PTGIS: variants seen among roughly 807,000 people sequenced by gnomAD.
PTGIS encodes the protein prostaglandin I2 synthase.
In PTGIS, 45 loss-of-function variants were observed where a neutral mutation model predicts 50.3. The observed-to-expected ratio is 0.90, with a 90% CI of 0.70 to 1.15. The LOEUF is 1.15. Ranked by LOEUF, PTGIS falls within the 50% of genes most tolerant of loss-of-function variation. PTGIS has a pLI of 0.00. For missense variants in PTGIS, 668 were observed against 661.3 expected (o/e 1.01, Z -0.11); for synonymous variants, 260 against 267.7 (o/e 0.97, Z 0.28).
At chr20:49,522,642 C>T (rs1490875668) in intron 6 of PTGIS, among the ~76,000 whole-genome samples, 1 of 152,100 alleles carries the variant, frequency 6.6e-6, no homozygotes, top group Non-Finnish European at 1.5e-5. Flanking sequence ...AATGGAACTT[C>T]TAAACAATTC....
chr20:49,517,319 G>A (rs949675248), intron 6 of PTGIS, among the ~76,000 whole-genome samples: 1 of 152,196 alleles, frequency 6.6e-6, no homozygotes. Flanking sequence ...TTAGATGGGG[G>A]CCACCGCTCA....
In PTGIS at chr20:49,533,595, G is replaced by A. The variant is rs371758034; in HGVS notation, c.673+5975C>T. 3.0e-4 allele frequency among the ~76,000 whole-genome samples: 45 copies of A among 152,314 alleles called. 2 individuals carry two copies. The highest frequency in any genetic ancestry group is 1.1e-3 in the African/African-American group (45 of 41,572). The stretch of plus-strand genomic sequence containing the variant: ...ATCTAAGAGTTCAAGTCCACATCTT[G>A]TAAAAAATGATTTTCTCTCCACCCC... On this transcript the variant is annotated intron_variant, in intron 5 of 9. Coordinates refer to ENST00000244043, the MANE Select transcript of PTGIS (RefSeq NM_000961.4).
intron 1 of PTGIS, among the ~76,000 whole-genome samples, chr20:49,551,773 CGTGT>C (rs1396029968): frequency 2.4e-5 from 3 of 124,344 alleles, no homozygotes; most frequent in Middle Eastern, 4.0e-3. Context: ...TGTGTGTATG[CGTGT>C]GTATGTGTGT....
At chr20:49,544,185 G>A (rs964148631) in intron 4 of PTGIS, 120 bp downstream of exon 4, 15 of 1,339,952 alleles carry the variant, frequency 1.1e-5, no homozygotes, top group Non-Finnish European at 1.5e-5. Flanking sequence ...CTTTGCTTTG[G>A]GTGTCTCAAA....
intron 4 of PTGIS, 98 bp from the exon 5 acceptor site, chr20:49,539,819 T>C: frequency 6.9e-7 from 1 of 1,449,332 alleles, no homozygotes; most frequent in Non-Finnish European, 9.4e-7. Flanking sequence ...AGTGAGCAAC[T>C]ACTAATCCTA....
intron 1 of PTGIS, among the ~76,000 whole-genome samples, chr20:49,567,373 G>A (rs1326237697): frequency 1.3e-5 from 2 of 152,158 alleles, no homozygotes; most frequent in Non-Finnish European, 2.9e-5. Flanking sequence ...CAGGCTGTGG[G>A]ACCTCAGGGG....
At chr20:49,525,904 TG>T (rs1981784437) in intron 5 of PTGIS, among the ~76,000 whole-genome samples, 1 of 151,946 alleles carries the variant, frequency 6.6e-6, no homozygotes, top group Non-Finnish European at 1.5e-5. Context: ...ATGTAGACTA[TG>T]TTTTTTTTTT....
chr20:49,538,704 A>ATTTAT (rs1568679012), intron 5 of PTGIS, among the ~76,000 whole-genome samples: 2 of 135,306 alleles, frequency 1.5e-5, no homozygotes, highest in African/African-American at 7.4e-5. Context: ...TATTTATTTA[A>ATTTAT]GACAGAGTCT....
At chr20:49,550,874 A>C (rs1055251375) in intron 1 of PTGIS, among the ~76,000 whole-genome samples, 6 of 152,212 alleles carry the variant, frequency 3.9e-5, no homozygotes, top group African/African-American at 1.4e-4. Context: ...TCCAACAAGG[A>C]AGGCAAGTTT....
chr20:49,518,717 A>G (rs1368350394), intron 6 of PTGIS, among the ~76,000 whole-genome samples: 1 of 152,160 alleles, frequency 6.6e-6, no homozygotes, highest in Non-Finnish European at 1.5e-5. Flanking sequence ...TAAGCCCAGA[A>G]AAGTGACTTG....
rs183001664 is a variant in PTGIS, at chr20:49,531,292, G to A, written c.674-7053C>T. Among the ~76,000 whole-genome samples, 393 of 152,300 alleles carry A rather than the reference G, an allele frequency of 2.6e-3. 2 individuals carry two copies. Among genetic ancestry groups the A allele is most frequent in the Middle Eastern group, 0.017 (5 of 294 alleles). On this transcript the variant is annotated intron_variant, in intron 5 of 9. Coordinates refer to ENST00000244043, the MANE Select transcript of PTGIS (RefSeq NM_000961.4). ...ATTCAGTGCATATGGGAGTGAGGAA[G>A]AGAAGATTCTGGAAAACTGAGCTTG... is the stretch of plus-strand genomic sequence containing the variant.
intron 5 of PTGIS, among the ~76,000 whole-genome samples, chr20:49,538,298 T>G (rs1026144100): frequency 7.6e-6 from 1 of 131,132 alleles, no homozygotes; most frequent in African/African-American, 2.9e-5. Context: ...GCATGCTGGC[T>G]CACTCCCATA....
In PTGIS at chr20:49,525,847, G is replaced by A. The variant is rs560780357; in HGVS notation, c.674-1608C>T. 2.1e-4 allele frequency among the ~76,000 whole-genome samples: 32 copies of A among 152,038 alleles called. 1 individual carries two copies. The highest frequency in any genetic ancestry group is 6.7e-4 in the African/African-American group (28 of 41,488). Reference sequence around the variant, plus strand: ...TTTCAGGAAGACTCGCCCCACCAGCGATTCTAAACCTGGCTGCACCTCACA... The same window carrying A: ...TTTCAGGAAGACTCGCCCCACCAGCAATTCTAAACCTGGCTGCACCTCACA... On this transcript the variant is annotated intron_variant, in intron 5 of 9. Coordinates refer to ENST00000244043, the MANE Select transcript of PTGIS (RefSeq NM_000961.4).
chr20:49,557,891 T>C (rs1982656222), intron 1 of PTGIS, among the ~76,000 whole-genome samples: 1 of 152,158 alleles, frequency 6.6e-6, no homozygotes, highest in African/African-American at 2.4e-5. Flanking sequence ...TCCCTCTTTC[T>C]CTTACAGCCC....
chr20:49,552,477 A>G (rs1437428641), intron 1 of PTGIS, among the ~76,000 whole-genome samples: 1 of 151,412 alleles, frequency 6.6e-6, no homozygotes, highest in East Asian at 1.9e-4. Context: ...TCCATTTTTA[A>G]TCTCCCTCTA....
chr20:49,507,757 T>C lies in PTGIS; in HGVS notation c.*163A>G. 1 of 938,046 alleles carries C rather than the reference T, an allele frequency of 1.1e-6. No homozygotes were observed. Among genetic ancestry groups the C allele is most frequent in the Non-Finnish European group, 1.6e-6 (1 of 610,548 alleles). 58.1% of individuals were successfully genotyped at this position (938,046 alleles called of 1,614,324 possible). On this transcript the variant is annotated 3_prime_UTR_variant, in exon 10 of 10. Coordinates refer to ENST00000244043, the MANE Select transcript of PTGIS (RefSeq NM_000961.4). ...AATGTCTTTTCTTTGTTCACCCTCT[T>C]AGCTTTTCCCTCCCCTGGACCCAGC...
Position 49,510,926 on chromosome 20 carries a change from C to T in PTGIS, c.1358+102G>A. ...ACGGGCTGTCCATGTGAAGCCTCTGCCAAACCATTCTCCTGGCTGAGCCCT... is the reference window on the plus strand; with the variant it reads ...ACGGGCTGTCCATGTGAAGCCTCTGTCAAACCATTCTCCTGGCTGAGCCCT... On this transcript the variant is annotated intron_variant, in intron 9 of 9. Coordinates refer to ENST00000244043, the MANE Select transcript of PTGIS (RefSeq NM_000961.4). 3 of 1,166,364 alleles carry T rather than the reference C, an allele frequency of 2.6e-6. No individual in the cohort carries two copies. The South Asian group carries it at 3.8e-5, about 15-fold the overall frequency. The allele number at this position is 1,166,364 out of a possible 1,614,324, so 72.3% of individuals were successfully genotyped here.
At position 49,504,741 on chromosome 20, in the gene PTGIS, T is replaced by C. The variant is rs2122827497; in HGVS notation, c.*3179A>G. 1 of 150,826 alleles carries C rather than the reference T, an allele frequency of 6.6e-6. No individual in the cohort carries two copies. The highest frequency in any genetic ancestry group is 3.4e-3 in the Middle Eastern group (1 of 290). 9.3% of individuals were successfully genotyped at this position (150,826 alleles called of 1,614,324 possible). ...AAAAGCGAGTCTGTTTAAAGGAGAATATTTGGTAAACAACAATATTAAAAT... is the reference window on the plus strand; with the variant it reads ...AAAAGCGAGTCTGTTTAAAGGAGAACATTTGGTAAACAACAATATTAAAAT... On this transcript the variant is annotated 3_prime_UTR_variant, in exon 10 of 10. Transcript: ENST00000244043.
intron 3 of PTGIS, among the ~76,000 whole-genome samples, chr20:49,545,250 G>A (rs1032542380): frequency 6.6e-6 from 1 of 151,984 alleles, no homozygotes; most frequent in African/African-American, 2.4e-5. Flanking sequence ...TACAAAAATA[G>A]AATAAATACA....
Sources: gnomAD v4.1 joint callset for allele counts (sites outside exome capture counted in the v4.1 genomes callset) on GRCh38, gnomAD v4.1.1 for gene constraint, MANE v1.5 for transcripts, NCBI Gene and HGNC (gene_info 2026-07-23, HGNC 2026-07-21) for gene names.